The following PRKN variants were observed in gnomAD, a reference collection of about 807,000 sequenced individuals.
The protein encoded by PRKN is E3 ubiquitin-protein ligase parkin.
A neutral mutation model predicts 59.5 loss-of-function variants in PRKN; 56 were observed. That is an observed-to-expected ratio of 0.94 (90% CI 0.76 to 1.18). PRKN has a LOEUF of 1.18. PRKN is among the 50% of genes most tolerant of loss of function. The probability of loss-of-function intolerance (pLI) is 0.00; values close to 1 mark genes in which losing one functional copy is unlikely to be tolerated. For synonymous variants in PRKN, 250 were observed against 222.1 expected (o/e 1.13, Z -1.12); for missense variants, 657 against 596.4 (o/e 1.10, Z -1.06).
intron 1 of PRKN, among the ~76,000 whole-genome samples, chr6:162,703,597 C>G (rs1384415841): frequency 2.0e-5 from 3 of 152,126 alleles, no homozygotes; most frequent in Admixed American, 2.0e-4. Context: ...GTGTCAGGCA[C>G]GGGGCTAAGA....
At chr6:162,600,605 T>C (rs1781668787) in intron 1 of PRKN, among the ~76,000 whole-genome samples, 1 of 152,154 alleles carries the variant, frequency 6.6e-6, no homozygotes, top group African/African-American at 2.4e-5. Context: ...CATGTTGAAA[T>C]GTAATCCCCA....
chr6:162,548,926 T>A (rs1012081930), intron 1 of PRKN, among the ~76,000 whole-genome samples: 6 of 152,176 alleles, frequency 3.9e-5, no homozygotes, highest in Non-Finnish European at 1.5e-5. Context: ...GTAAAGGGTA[T>A]CCTCCACAGG....
chr6:162,045,425 T>C (rs985639879), intron 5 of PRKN, among the ~76,000 whole-genome samples: 2 of 152,188 alleles, frequency 1.3e-5, no homozygotes, highest in Non-Finnish European at 2.9e-5. Context: ...GCTCAGATGA[T>C]CCGAAGATCC....
chr6:161,439,922 C>G (rs1444676811), intron 9 of PRKN, among the ~76,000 whole-genome samples: 4 of 150,644 alleles, frequency 2.7e-5, no homozygotes, highest in African/African-American at 9.8e-5. Flanking sequence ...TATTTTGGGC[C>G]TAGGTTTTTT....
intron 4 of PRKN, among the ~76,000 whole-genome samples, chr6:162,090,886 C>T (rs755276511): frequency 1.3e-5 from 2 of 152,118 alleles, no homozygotes; most frequent in Admixed American, 6.6e-5. Flanking sequence ...AAGAGACAGA[C>T]GCCACAGTCT....
At chr6:161,406,742 A>C (rs140298277) in intron 9 of PRKN, among the ~76,000 whole-genome samples, 1 of 152,292 alleles carries the variant, frequency 6.6e-6, no homozygotes, top group East Asian at 1.9e-4. Flanking sequence ...AAGCATTTCA[A>C]ATGTACATAC....
chr6:162,014,364 T>C (rs1185554930), intron 5 of PRKN, among the ~76,000 whole-genome samples: 1 of 152,140 alleles, frequency 6.6e-6, no homozygotes, highest in Non-Finnish European at 1.5e-5. Context: ...GCTACATACC[T>C]AGGTCTCTAG....
chr6:161,375,621 C>T (rs1275804167), intron 10 of PRKN, among the ~76,000 whole-genome samples: 2 of 152,112 alleles, frequency 1.3e-5, no homozygotes, highest in Non-Finnish European at 2.9e-5. Context: ...TGGCAGGCGA[C>T]GAAAAGGCTG....
chr6:162,072,140 A>T (rs1216231372), intron 4 of PRKN, among the ~76,000 whole-genome samples: 1 of 152,088 alleles, frequency 6.6e-6, no homozygotes, highest in Non-Finnish European at 1.5e-5. Context: ...GTGATTACAC[A>T]GGCTGGGCGC....
intron 5 of PRKN, among the ~76,000 whole-genome samples, chr6:162,053,621 G>T (rs1436993864): frequency 6.6e-6 from 1 of 152,054 alleles, no homozygotes; most frequent in East Asian, 1.9e-4. Context: ...ACTATATTTT[G>T]TAATAGTCCA....
At chr6:161,595,229 C>CA (rs1781871606) in intron 7 of PRKN, among the ~76,000 whole-genome samples, 1 of 152,116 alleles carries the variant, frequency 6.6e-6, no homozygotes, top group Non-Finnish European at 1.5e-5. Context: ...TGTCAGTGTT[C>CA]AAATACGGCA....
In PRKN at chr6:161,466,152, CTA is replaced by C. The variant is rs1178582820; in HGVS notation, c.1084-79277_1084-79276del. Among the ~76,000 whole-genome samples the C allele has an allele frequency of 1.3e-5, 2 of 152,080 alleles. No homozygotes were observed. Among genetic ancestry groups the C allele is most frequent in the Non-Finnish European group, 2.9e-5 (2 of 68,006 alleles). The stretch of plus-strand genomic sequence containing the variant: ...AGTACACAATACAACATTATTAACT[CTA>C]GTCACCATGCTGTACATTAGATCCC... On this transcript the variant is annotated intron_variant, in intron 9 of 11. Transcript: ENST00000366898. This position sits in a 1 kb window ranked among gnomAD's most constrained non-coding sequence, Gnocchi z 5.0.
chr6:161,562,908 C>T lies in PRKN; in HGVS notation c.933+6447G>A, dbSNP rs1211223652. On this transcript the variant is annotated intron_variant, in intron 8 of 11. Coordinates refer to ENST00000366898, the MANE Select transcript of PRKN (RefSeq NM_004562.3). The surrounding 1 kb of genome is among the most constrained non-coding windows in gnomAD (Gnocchi z 4.3). ...TGCTTAAACCTTCAAGGATTTCCCA[C>T]TAAACTCAGAACAAAACCCATATGC... 6.6e-6 allele frequency among the ~76,000 whole-genome samples: 1 copy of T among 152,202 alleles called. No individual in the cohort carries two copies. The highest frequency in any genetic ancestry group is 6.5e-5 in the Admixed American group (1 of 15,282).
chr6:162,694,455 A>T (rs1206995785), intron 1 of PRKN, among the ~76,000 whole-genome samples: 1 of 152,058 alleles, frequency 6.6e-6, no homozygotes, highest in East Asian at 1.9e-4. Context: ...GCTCTTAGGA[A>T]ATCTGTCCAT....
chr6:161,532,160 CTCTCTCTATATA>C (rs771358241), intron 9 of PRKN, among the ~76,000 whole-genome samples: 3,503 of 62,366 alleles, frequency 0.056, 55 homozygotes, highest in Admixed American at 0.092. Flanking sequence ...CTCTCTCTCT[CTCTCTCTATATA>C]TATATATATA....
intron 2 of PRKN, among the ~76,000 whole-genome samples, chr6:162,380,647 T>C (rs1786430571): frequency 1.3e-5 from 2 of 151,466 alleles, no homozygotes; most frequent in Non-Finnish European, 2.9e-5. Context: ...GAGTTAAAGA[T>C]ACTCATTCAG....
At chr6:161,520,226 A>AGTTTTTTTT (rs376359569) in intron 9 of PRKN, among the ~76,000 whole-genome samples, 5 of 131,350 alleles carry the variant, frequency 3.8e-5, no homozygotes, top group Admixed American at 7.9e-5. Context: ...CTCTCTATGC[A>AGTTTTTTTT]TTTTTTTTTT....
At chr6:161,540,218 G>C (rs551050666) in intron 9 of PRKN, among the ~76,000 whole-genome samples, 23 of 152,220 alleles carry the variant, frequency 1.5e-4, no homozygotes, top group African/African-American at 5.5e-4. Context: ...TTATCATAAT[G>C]CCCCATGCAG....
intron 4 of PRKN, among the ~76,000 whole-genome samples, chr6:162,100,960 C>A (rs1779947763): frequency 6.6e-6 from 1 of 151,924 alleles, no homozygotes; most frequent in South Asian, 2.1e-4. Context: ...TTTTTGAGTT[C>A]CTTATCTATT....
Sources: gnomAD v4.1 joint callset for allele counts (sites outside exome capture counted in the v4.1 genomes callset) on GRCh38, gnomAD v4.1.1 for gene constraint, Gnocchi (gnomAD v3.1) non-coding constraint, MANE v1.5 for transcripts, NCBI Gene and HGNC (gene_info 2026-07-23, HGNC 2026-07-21) for gene names.